The following MAP3K14 variants were observed in gnomAD, a reference collection of about 807,000 sequenced individuals.
The protein encoded by MAP3K14 is mitogen-activated protein kinase kinase kinase 14, also known as NF-kappa-beta-inducing kinase.
Under a neutral mutation model 99.2 loss-of-function variants are expected in MAP3K14, and 16 were observed. That is an observed-to-expected ratio of 0.16 (90% CI 0.11 to 0.24). The LOEUF (loss-of-function observed/expected upper bound fraction) is 0.24. MAP3K14 is among the 10% of genes least tolerant of loss of function. The probability of loss-of-function intolerance (pLI) is 1.00; values close to 1 mark genes in which losing one functional copy is unlikely to be tolerated. For missense variants in MAP3K14, 784 were observed against 1,208.7 expected (o/e 0.65, Z 5.21); for synonymous variants, 462 against 492.4 (o/e 0.94, Z 0.82).
At chr17:45,270,897 C>T (rs1247547268) in intron 10 of MAP3K14, 161 bp downstream of exon 10, 1 of 1,037,576 alleles carries the variant, frequency 9.6e-7, no homozygotes, top group Non-Finnish European at 1.4e-6. Flanking sequence ...TCCCCTTGTA[C>T]CCCCAGATTT....
intron 1 of MAP3K14, among the ~76,000 whole-genome samples, chr17:45,311,510 T>C (rs564980865): frequency 1.3e-5 from 2 of 152,180 alleles, no homozygotes; most frequent in African/African-American, 2.4e-5. Context: ...GGACACCTGA[T>C]AGTGGCTTTA....
chr17:45,293,627 C>T (rs2044328308), intron 1 of MAP3K14, among the ~76,000 whole-genome samples: 1 of 152,232 alleles, frequency 6.6e-6, no homozygotes, highest in Non-Finnish European at 1.5e-5. Flanking sequence ...ATGGGGAAAA[C>T]AGGCTGACCC....
At chr17:45,283,991 A>G (rs2044243612) in intron 6 of MAP3K14, among the ~76,000 whole-genome samples, 1 of 152,114 alleles carries the variant, frequency 6.6e-6, no homozygotes, top group Non-Finnish European at 1.5e-5. Flanking sequence ...GTCGGTCTGC[A>G]GCCGCCACCG....
At chr17:45,304,010 C>CG in intron 1 of MAP3K14, among the ~76,000 whole-genome samples, 1 of 127,732 alleles carries the variant, frequency 7.8e-6, no homozygotes, top group African/African-American at 2.8e-5. Flanking sequence ...CTTTTCTTTT[C>CG]TTTTTTTTTT....
intron 11 of MAP3K14, among the ~76,000 whole-genome samples, chr17:45,269,324 G>A (rs2044124172): frequency 1.3e-5 from 2 of 152,056 alleles, no homozygotes; most frequent in Admixed American, 1.3e-4. Flanking sequence ...TCTTTATTTT[G>A]TATTCTTGGA....
intron 1 of MAP3K14, among the ~76,000 whole-genome samples, chr17:45,315,037 A>G (rs910436088): frequency 6.6e-6 from 1 of 152,102 alleles, no homozygotes; most frequent in African/African-American, 2.4e-5. Flanking sequence ...AAAAATCACA[A>G]CAGTTGCCGA....
chr17:45,289,779 G>A (rs1425032285), intron 2 of MAP3K14, among the ~76,000 whole-genome samples: 2 of 152,284 alleles, frequency 1.3e-5, no homozygotes, highest in Non-Finnish European at 2.9e-5. Context: ...CAACCAGGAG[G>A]AAGTGGGAGA....
chr17:45,285,319 G>A (rs2044254900), intron 5 of MAP3K14, among the ~76,000 whole-genome samples: 1 of 152,152 alleles, frequency 6.6e-6, no homozygotes, highest in African/African-American at 2.4e-5. Flanking sequence ...CGGGGGTCAA[G>A]GATGATGTTA....
At chr17:45,284,988 A>T in intron 5 of MAP3K14, 39 bp from the exon 6 acceptor site, 1 of 1,545,368 alleles carries the variant, frequency 6.5e-7, no homozygotes, top group Non-Finnish European at 8.8e-7. Context: ...TTCAGTGGCC[A>T]GGGCAGCAGA....
intron 9 of MAP3K14, among the ~76,000 whole-genome samples, chr17:45,273,002 T>C (rs1347848067): frequency 6.6e-6 from 1 of 152,212 alleles, no homozygotes; most frequent in African/African-American, 2.4e-5. Flanking sequence ...GAGAATTCTG[T>C]TCTCTGCCTC....
In MAP3K14 at chr17:45,266,490, G is replaced by A. The variant is rs748425005; in HGVS notation, c.2578+47C>T. 1.9e-6 allele frequency: 3 copies of A among 1,568,960 alleles called. No homozygotes were observed. In the South Asian group the frequency reaches 3.4e-5, roughly 18 times the overall value. On this transcript the variant is annotated intron_variant, in intron 14 of 15. Coordinates refer to ENST00000344686, the MANE Select transcript of MAP3K14 (RefSeq NM_003954.5). ...CTCAATGGCTGTCTAGCTCCAGGCA[G>A]ATCAGCTGCCACGGGGACTGCTGAG...
In MAP3K14 at chr17:45,266,609, C is replaced by T; in HGVS notation, c.2506G>A (p.Glu836Lys). 1.9e-6 allele frequency: 3 copies of T among 1,613,800 alleles called. No homozygotes were observed. Among genetic ancestry groups the T allele is most frequent in the Non-Finnish European group, 2.5e-6 (3 of 1,179,852 alleles). ...ATGTTCCAGCTGGAGCTTCGAGCCT[C>T]GGCCTGGCTGCTCCAGGAGTGTACG... ...SGVHSWSSQAEARSSSWNMVL... is the reference protein window; with the variant it reads ...SGVHSWSSQAKARSSSWNMVL... Residue 836 changes from glutamate to lysine, a missense_variant, in exon 14 of 16, where the codon GAG becomes AAG. Physicochemically the swap from Glu to Lys is moderately conservative, Grantham distance 56. Around this residue, in one of 5 missense-constraint regions of MAP3K14, gnomAD observed 130 missense variants for 220.4 expected, o/e 0.59. Transcript: ENST00000344686.
In MAP3K14 at chr17:45,266,567, G is replaced by A. The variant is rs2044085083; in HGVS notation, c.2548C>T (p.Arg850Trp). ...SSWNMVLARG[R>W]PTDTPSYFNG... ...AAATAGCTTGGGGTGTCGGTGGGCCGCCCCCGGGCCAGCACCATGTTCCAG... is the reference window on the plus strand; with the variant it reads ...AAATAGCTTGGGGTGTCGGTGGGCCACCCCCGGGCCAGCACCATGTTCCAG... The change falls in exon 14 of 16, where the codon CGG (arginine) becomes TGG (tryptophan). Residue 850 changes from arginine (R) to tryptophan (W), a missense_variant. Arg to Trp is a moderately radical substitution (Grantham distance 101). Coordinates refer to ENST00000344686, the MANE Select transcript of MAP3K14 (RefSeq NM_003954.5). The A allele has an allele frequency of 1.1e-5, 17 of 1,612,768 alleles. No individual in the cohort carries two copies. The highest frequency in any genetic ancestry group is 1.3e-5 in the Non-Finnish European group (15 of 1,179,520).
At position 45,272,590 on chromosome 17, in the gene MAP3K14, A is replaced by G. The variant is rs1183028270; in HGVS notation, c.1657+913T>C. Reference sequence around the variant, plus strand: ...AAAACGCAGGGCACAAAATTGTGTTATAATGGCCCTAACTAGGCACAGGGA... The same window carrying G: ...AAAACGCAGGGCACAAAATTGTGTTGTAATGGCCCTAACTAGGCACAGGGA... On this transcript the variant is annotated intron_variant, in intron 9 of 15. Coordinates refer to ENST00000344686, the MANE Select transcript of MAP3K14 (RefSeq NM_003954.5). This position sits in a 1 kb window ranked among gnomAD's most constrained non-coding sequence, Gnocchi z 4.1. Among the ~76,000 whole-genome samples the G allele has an allele frequency of 6.6e-6, 1 of 152,214 alleles. No homozygotes were observed. The highest frequency in any genetic ancestry group is 1.5e-5 in the Non-Finnish European group (1 of 68,038).
chr17:45,294,724 G>A (rs2044335005), intron 1 of MAP3K14, among the ~76,000 whole-genome samples: 1 of 152,366 alleles, frequency 6.6e-6, no homozygotes, highest in South Asian at 2.1e-4. Context: ...CCCAGAATCT[G>A]TACTTTTGAC....
intron 1 of MAP3K14, among the ~76,000 whole-genome samples, chr17:45,306,008 T>G (rs946626594): frequency 6.6e-6 from 1 of 152,222 alleles, no homozygotes; most frequent in African/African-American, 2.4e-5. Flanking sequence ...CATCTTTGAG[T>G]GTTACAACAA....
intron 3 of MAP3K14, among the ~76,000 whole-genome samples, chr17:45,288,684 C>T (rs895423525): frequency 2.6e-5 from 4 of 152,152 alleles, no homozygotes; most frequent in African/African-American, 9.7e-5. Context: ...CACTTGAACT[C>T]TTGTTTCAAA....
At chr17:45,269,581 G>C (rs1193190779) in intron 11 of MAP3K14, among the ~76,000 whole-genome samples, 1 of 152,142 alleles carries the variant, frequency 6.6e-6, no homozygotes, top group Admixed American at 6.5e-5. Flanking sequence ...ACCATCCCAC[G>C]TACTGGGAGG....
intron 1 of MAP3K14, among the ~76,000 whole-genome samples, chr17:45,313,650 G>C (rs2044503366): frequency 6.6e-6 from 1 of 152,144 alleles, no homozygotes; most frequent in South Asian, 2.1e-4. Context: ...TCTACATCTG[G>C]AAAATGGGCA....
Sources: gnomAD v4.1 joint callset for allele counts (sites outside exome capture counted in the v4.1 genomes callset) on GRCh38, gnomAD v4.1.1 for gene constraint, gnomAD v4.1.1 regional missense constraint, Gnocchi (gnomAD v3.1) non-coding constraint, MANE v1.5 for transcripts, NCBI Gene and HGNC (gene_info 2026-07-23, HGNC 2026-07-21) for gene names.